The following CDHR3 variants were observed in gnomAD, a reference collection of about 807,000 sequenced individuals.
CDHR3 encodes cadherin-related family member 3.
CDHR3 carries 79 observed loss-of-function variants against 86.6 expected under a neutral mutation model. The observed-to-expected ratio is 0.91, with a 90% CI of 0.76 to 1.10. The LOEUF is 1.10. Ranked by LOEUF, CDHR3 falls within the 50% of genes least tolerant of loss-of-function variation. CDHR3 has a pLI of 0.00. For synonymous variants in CDHR3, 421 were observed against 402.4 expected (o/e 1.05, Z -0.55); for missense variants, 1,081 against 1,077.6 (o/e 1.00, Z -0.04).
At chr7:106,024,747 T>A (rs537766061) in intron 15 of CDHR3, among the ~76,000 whole-genome samples, 185 bp downstream of exon 15, 1 of 152,320 alleles carries the variant, frequency 6.6e-6, no homozygotes, top group East Asian at 1.9e-4. Flanking sequence ...GCACTTTCTT[T>A]GTCACCTGCT....
chr7:105,994,658 T>C (rs889907590), intron 4 of CDHR3, 93 bp from the exon 5 acceptor site: 2 of 876,486 alleles, frequency 2.3e-6, no homozygotes, highest in Admixed American at 4.0e-5. Flanking sequence ...TTCCATGGGC[T>C]AAGAACATAA....
At chr7:106,007,587 A>G (rs1397643101) in intron 8 of CDHR3, among the ~76,000 whole-genome samples, 1 of 152,232 alleles carries the variant, frequency 6.6e-6, no homozygotes, top group Non-Finnish European at 1.5e-5. Context: ...TTGCTAAAAC[A>G]TAACAAGAGT....
In CDHR3 at chr7:106,032,483, G is replaced by A. The variant is rs199707821; in HGVS notation, c.2444G>A (p.Ser815Asn). 198 of 1,614,002 alleles carry A rather than the reference G, an allele frequency of 1.2e-4. 1 individual carries two copies. In the African/African-American group the frequency reaches 2.2e-3, roughly 18 times the overall value. The change falls in exon 19 of 19, where the codon AGC becomes AAC. Residue 815 changes from serine (S) to asparagine (N), a missense_variant. Ser to Asn is a conservative substitution (Grantham distance 46). Coordinates refer to ENST00000317716, the MANE Select transcript of CDHR3 (RefSeq NM_152750.5). ...CAAATGCCAAAATGGAAAGAGTCCA[G>A]CCACCAGGGAGCTGCCCCACGCAGA... Reference protein sequence around the residue: ...LTQMPKWKESSHQGAAPRRVT... With the variant: ...LTQMPKWKESNHQGAAPRRVT...
intron 16 of CDHR3, among the ~76,000 whole-genome samples, chr7:106,028,231 C>A (rs1837677588): frequency 6.6e-6 from 1 of 152,000 alleles, no homozygotes; most frequent in South Asian, 2.1e-4. Context: ...CAGAGGTATC[C>A]AATCCCATCT....
rs1303313143 is a variant in CDHR3, at chr7:106,034,999, A to G, written c.*2302A>G. On this transcript the variant is annotated 3_prime_UTR_variant, in exon 19 of 19. Coordinates refer to ENST00000317716, the MANE Select transcript of CDHR3 (RefSeq NM_152750.5). The stretch of plus-strand genomic sequence containing the variant: ...GAGGCTGAGGCAAGAGAATCGCTTG[A>G]ACCCAGGAGGCAGAAGTTGCAGTGG... 6.6e-6 allele frequency among the ~76,000 whole-genome samples: 1 copy of G among 151,994 alleles called. No homozygotes were observed. Among genetic ancestry groups the G allele is most frequent in the African/African-American group, 2.4e-5 (1 of 41,348 alleles).
intron 1 of CDHR3, among the ~76,000 whole-genome samples, chr7:105,972,911 G>A (rs1232080233): frequency 6.6e-6 from 1 of 152,164 alleles, no homozygotes; most frequent in Non-Finnish European, 1.5e-5. Context: ...GATTTTAAAA[G>A]CTTGTATCAG....
At chr7:105,991,056 T>TTTAA (rs1831279776) in intron 4 of CDHR3, among the ~76,000 whole-genome samples, 1 of 152,244 alleles carries the variant, frequency 6.6e-6, no homozygotes, top group East Asian at 1.9e-4. Context: ...AGAGAGCTTG[T>TTTAA]CTGACAAGCA....
chr7:106,023,971 T>A (rs1172783855), intron 14 of CDHR3, among the ~76,000 whole-genome samples: 1 of 152,038 alleles, frequency 6.6e-6, no homozygotes, highest in African/African-American at 2.4e-5. Flanking sequence ...AGCTTGTAGT[T>A]GAGAAAACAC....
intron 4 of CDHR3, among the ~76,000 whole-genome samples, chr7:105,987,967 T>C (rs2115714825): frequency 6.6e-6 from 1 of 152,392 alleles, no homozygotes; most frequent in South Asian, 2.1e-4. Flanking sequence ...CACAGCTCAC[T>C]GCAGCCTCAA....
At chr7:106,002,126 C>T (rs946170113) in intron 7 of CDHR3, among the ~76,000 whole-genome samples, 1 of 151,904 alleles carries the variant, frequency 6.6e-6, no homozygotes, top group African/African-American at 2.4e-5. Flanking sequence ...ACAGGGTTGA[C>T]AGCTATGTCA....
intron 6 of CDHR3, among the ~76,000 whole-genome samples, chr7:106,000,138 A>T (rs888997952): frequency 6.6e-6 from 1 of 152,148 alleles, no homozygotes. Context: ...AGCATTACAG[A>T]TTGCCTGAGA....
rs1563320828 is a variant in CDHR3 at position 106,034,009 on chromosome 7, T to G, written c.*1312T>G. Among the ~76,000 whole-genome samples, 1 of 152,164 alleles carries G rather than the reference T, an allele frequency of 6.6e-6. No homozygotes were observed. Among genetic ancestry groups the G allele is most frequent in the Admixed American group, 6.5e-5 (1 of 15,274 alleles). On this transcript the variant is annotated 3_prime_UTR_variant, in exon 19 of 19. Coordinates refer to ENST00000317716, the MANE Select transcript of CDHR3 (RefSeq NM_152750.5). ...ATTCTGGTTAAAATTACTATTGAAG[T>G]GAAATCACTTTTTCCTCAAAGCTGA...
In CDHR3 at chr7:106,032,737, G is replaced by A. The variant is rs1397869997; in HGVS notation, c.*40G>A. ...GGGGCCTGTCAATCACTGAGATGCTGCCTCACCCTAAATTCTATGGGGATG... is the reference window on the plus strand; with the variant it reads ...GGGGCCTGTCAATCACTGAGATGCTACCTCACCCTAAATTCTATGGGGATG... On this transcript the variant is annotated 3_prime_UTR_variant, in exon 19 of 19. Transcript: ENST00000317716. 4 of 1,558,402 alleles carry A rather than the reference G, an allele frequency of 2.6e-6. No individual in the cohort carries two copies. Among genetic ancestry groups the A allele is most frequent in the Non-Finnish European group, 3.5e-6 (4 of 1,149,702 alleles).
intron 4 of CDHR3, 65 bp from the exon 5 acceptor site, chr7:105,994,686 C>T: frequency 1.9e-6 from 2 of 1,071,838 alleles, no homozygotes; most frequent in Non-Finnish European, 2.8e-6. Flanking sequence ...AATGAGCACA[C>T]ACATCTTCTG....
intron 4 of CDHR3, among the ~76,000 whole-genome samples, chr7:105,989,008 G>T (rs183225640): frequency 6.6e-6 from 1 of 152,142 alleles, no homozygotes; most frequent in Non-Finnish European, 1.5e-5. Context: ...TCACACGTAC[G>T]TGAGGGTAGT....
rs1563240383 is a variant in CDHR3, at chr7:105,981,213, A to C, written c.415+80A>C. 3 of 1,414,540 alleles carry C rather than the reference A, an allele frequency of 2.1e-6. No individual in the cohort carries two copies. In the East Asian group the frequency reaches 7.2e-5, roughly 34 times the overall value. 87.6% of individuals were successfully genotyped at this position (1,414,540 alleles called of 1,614,324 possible). On this transcript the variant is annotated intron_variant, in intron 3 of 18. Coordinates refer to ENST00000317716, the MANE Select transcript of CDHR3 (RefSeq NM_152750.5). Reference sequence around the variant, plus strand: ...CTGGGGGACAGAGAGAAACAGAAAAAGTAAATAAACAAGCAGCTGTTTCCC... The same window carrying C: ...CTGGGGGACAGAGAGAAACAGAAAACGTAAATAAACAAGCAGCTGTTTCCC...
chr7:105,980,975 C>T lies in CDHR3; in HGVS notation c.257C>T (p.Thr86Ile). 1 of 1,606,250 alleles carries T rather than the reference C, an allele frequency of 6.2e-7. No homozygotes were observed. Among genetic ancestry groups the T allele is most frequent in the East Asian group, 2.2e-5 (1 of 44,726 alleles). ...TTTTGCATTTTGTTTTAGGTTGTCA[C>T]CACTGGGATGGAACAACTAGATTTT... ...WLSGTYFEVV[T>I]TGMEQLDFET... The change falls in exon 3 of 19, where the codon ACC becomes ATC. Residue 86 changes from threonine (T) to isoleucine (I), a missense_variant. Transcript: ENST00000317716.
chr7:106,011,656 A>G (rs759887448), intron 8 of CDHR3, among the ~76,000 whole-genome samples: 5 of 152,228 alleles, frequency 3.3e-5, no homozygotes, highest in Non-Finnish European at 5.9e-5. Context: ...TTATGTAGTA[A>G]AAACTAATTG....
At chr7:105,966,749 GC>G (rs2115588851) in intron 1 of CDHR3, among the ~76,000 whole-genome samples, 1 of 152,230 alleles carries the variant, frequency 6.6e-6, no homozygotes, top group South Asian at 2.1e-4. Context: ...CACCCCCAGT[GC>G]AAGCAGTCAG....
Sources: allele counts gnomAD v4.1 joint callset (sites outside exome capture counted in the v4.1 genomes callset), GRCh38; gene constraint gnomAD v4.1.1; transcripts MANE v1.5; gene names NCBI Gene and HGNC (gene_info 2026-07-23, HGNC 2026-07-21).